B3GLCT: variants seen among roughly 807,000 people sequenced by gnomAD.
B3GLCT encodes the protein beta 3-glucosyltransferase.
A neutral mutation model predicts 63.4 loss-of-function variants in B3GLCT; 65 were observed. The observed-to-expected ratio is 1.03, with a 90% confidence interval of 0.84 to 1.26. B3GLCT has a LOEUF of 1.26. Ranked by LOEUF, B3GLCT falls within the 50% of genes most tolerant of loss-of-function variation. The pLI is 0.00. For synonymous variants in B3GLCT, 233 were observed against 219.2 expected, an observed-to-expected ratio of 1.06 and a Z score of -0.55; for missense variants, 577 against 604.8, an observed-to-expected ratio of 0.95 and a Z score of 0.48.
At chr13:31,324,482 G>T (rs1445810883) in intron 14 of B3GLCT, among the ~76,000 whole-genome samples, 4 of 152,188 alleles carry the variant, frequency 2.6e-5, no homozygotes, top group Non-Finnish European at 5.9e-5. Context: ...CCATATTGCA[G>T]TTTGGGGGTT....
chr13:31,208,627 C>A (rs1036781137), intron 1 of B3GLCT, among the ~76,000 whole-genome samples: 24 of 133,302 alleles, frequency 1.8e-4, no homozygotes, highest in South Asian at 5.5e-4. Flanking sequence ...TGGCCCCCCC[C>A]CCCCGCTCAC....
chr13:31,216,279 A>G (rs147768152), intron 2 of B3GLCT, among the ~76,000 whole-genome samples: 1 of 152,310 alleles, frequency 6.6e-6, no homozygotes, highest in Non-Finnish European at 1.5e-5. Flanking sequence ...ATTTAATTTA[A>G]TCTTCTTAAT....
At chr13:31,203,400 A>G (rs9805861) in intron 1 of B3GLCT, among the ~76,000 whole-genome samples, 39,578 of 152,030 alleles carry the variant, frequency 0.26, 5,452 homozygotes, top group East Asian at 0.41. Flanking sequence ...GCCAGTAGCC[A>G]ACAGCTAAGC....
At chr13:31,274,682 G>A in intron 9 of B3GLCT, 54 bp downstream of exon 9, 2 of 1,598,762 alleles carry the variant, frequency 1.3e-6, no homozygotes, top group South Asian at 2.2e-5. Context: ...TTTAGATGCT[G>A]TGCATAATGT....
At chr13:31,282,115 T>A (rs186322186) in intron 10 of B3GLCT, among the ~76,000 whole-genome samples, 68 of 152,328 alleles carry the variant, frequency 4.5e-4, no homozygotes, top group African/African-American at 1.2e-3. Flanking sequence ...AGATAATGTA[T>A]CAGGTAACTT....
chr13:31,263,617 T>G (rs1393278011), intron 7 of B3GLCT, among the ~76,000 whole-genome samples: 4 of 152,152 alleles, frequency 2.6e-5, no homozygotes, highest in Non-Finnish European at 4.4e-5. Flanking sequence ...TGAACCAGGG[T>G]TGCAGGTTGT....
At chr13:31,260,775 A>G (rs906425493) in intron 6 of B3GLCT, among the ~76,000 whole-genome samples, 171 bp from the exon 7 acceptor site, 53 of 152,192 alleles carry the variant, frequency 3.5e-4, no homozygotes, top group African/African-American at 1.2e-3. Flanking sequence ...ATTCATTATC[A>G]TACTAGTGTT....
At chr13:31,288,379 AC>A (rs1305744668) in intron 12 of B3GLCT, among the ~76,000 whole-genome samples, 2 of 152,172 alleles carry the variant, frequency 1.3e-5, no homozygotes, top group Non-Finnish European at 2.9e-5. Flanking sequence ...ACTTGTCCAC[AC>A]ACCTAGCCCA....
At chr13:31,222,346 G>C (rs1273561855) in intron 2 of B3GLCT, among the ~76,000 whole-genome samples, 1 of 151,946 alleles carries the variant, frequency 6.6e-6, no homozygotes. Context: ...AAAGTGCTGG[G>C]GTTACAGGTA....
rs1258610111 is a variant in B3GLCT at position 31,329,977 on chromosome 13, T to G, written c.*309T>G. On this transcript the variant is annotated 3_prime_UTR_variant, in exon 15 of 15. Coordinates refer to ENST00000343307, the MANE Select transcript of B3GLCT (RefSeq NM_194318.4). ...TTTATTGTCACAGGGAAATAAATGG[T>G]ACCAGAAGTCCCTTTCCTGTTCTGT... The G allele has an allele frequency of 1.1e-5, 4 of 376,910 alleles. No homozygotes were observed. The East Asian group carries it at 1.9e-4, about 18-fold the overall frequency. The allele number at this position is 376,910 out of a possible 1,614,324, so 23.3% of individuals were successfully genotyped here.
intron 6 of B3GLCT, among the ~76,000 whole-genome samples, chr13:31,257,161 A>C (rs1046955658): frequency 6.6e-6 from 1 of 152,226 alleles, no homozygotes; most frequent in South Asian, 2.1e-4. Context: ...GAGATAAAAC[A>C]TAACAACATG....
chr13:31,300,010 C>G (rs2137905332), intron 12 of B3GLCT, among the ~76,000 whole-genome samples: 1 of 152,282 alleles, frequency 6.6e-6, no homozygotes, highest in East Asian at 1.9e-4. Context: ...GCATCCAATA[C>G]AGCCCACTGA....
At chr13:31,200,675 C>T (rs1830397622) in intron 1 of B3GLCT, among the ~76,000 whole-genome samples, 1 of 151,924 alleles carries the variant, frequency 6.6e-6, no homozygotes, top group African/African-American at 2.4e-5. Context: ...GTTCGACCCC[C>T]GGGGGCGAGG....
intron 3 of B3GLCT, among the ~76,000 whole-genome samples, chr13:31,224,900 A>G (rs1205972214): frequency 1.2e-4 from 18 of 152,216 alleles, no homozygotes. Context: ...AGCACTTTAC[A>G]GTACAGTGCT....
chr13:31,249,919 G>A lies in B3GLCT; in HGVS notation c.459+1953G>A, dbSNP rs75182807. On this transcript the variant is annotated intron_variant, in intron 6 of 14. Coordinates refer to ENST00000343307, the MANE Select transcript of B3GLCT (RefSeq NM_194318.4). ...GAGTACATTAAAATAATTATGTAAT[G>A]TGTGAGGGTATAAGGTATTTTGTTT... 1.2e-3 allele frequency among the ~76,000 whole-genome samples: 186 copies of A among 152,304 alleles called. 1 individual carries two copies. The East Asian group carries it at 0.029, about 24-fold the overall frequency.
chr13:31,243,375 A>G lies in B3GLCT; in HGVS notation c.271-3648A>G, dbSNP rs576574719. Among the ~76,000 whole-genome samples the G allele has an allele frequency of 5.6e-4, 85 of 152,348 alleles. 1 individual carries two copies. Among genetic ancestry groups the G allele is most frequent in the Middle Eastern group, 6.8e-3 (2 of 294 alleles). Reference sequence around the variant, plus strand: ...CACCATGTAGTTTAATTGTTGAATTATTTCCAGACATGCAGAAAAACTAAA... The same window carrying G: ...CACCATGTAGTTTAATTGTTGAATTGTTTCCAGACATGCAGAAAAACTAAA... On this transcript the variant is annotated intron_variant, in intron 4 of 14. Transcript: ENST00000343307.
intron 12 of B3GLCT, among the ~76,000 whole-genome samples, chr13:31,301,657 G>C (rs542401125): frequency 7.2e-5 from 11 of 152,190 alleles, no homozygotes; most frequent in Middle Eastern, 3.2e-3. Flanking sequence ...CCCACCAGGA[G>C]ACCCTGGCCT....
rs1202348517 is a variant in B3GLCT at position 31,316,492 on chromosome 13, G to A, written c.1065-1074G>A. On this transcript the variant is annotated intron_variant, in intron 12 of 14. Coordinates refer to ENST00000343307, the MANE Select transcript of B3GLCT (RefSeq NM_194318.4). Reference sequence around the variant, plus strand: ...CACCCAGGCTGGAGTGCAATGGCACGATCTTGACTCACCGCATTTGGAGGT... The same window carrying A: ...CACCCAGGCTGGAGTGCAATGGCACAATCTTGACTCACCGCATTTGGAGGT... Among the ~76,000 whole-genome samples, 4 of 143,056 alleles carry A rather than the reference G, an allele frequency of 2.8e-5. No homozygotes were observed. In the East Asian group the frequency reaches 6.4e-4, roughly 23 times the overall value. The allele number at this position is 143,056 out of a possible 152,430, so 93.9% of individuals were successfully genotyped here. A position where few individuals can be genotyped will look rare whatever the true frequency, so the allele number is the denominator to read the frequency against.
chr13:31,319,055 G>A (rs1230149078), intron 13 of B3GLCT, among the ~76,000 whole-genome samples: 2 of 152,086 alleles, frequency 1.3e-5, no homozygotes, highest in African/African-American at 4.8e-5. Context: ...AACTGGCCTT[G>A]TGTGGGCCAG....
Sources: gnomAD v4.1 joint callset for allele counts (sites outside exome capture counted in the v4.1 genomes callset) on GRCh38, gnomAD v4.1.1 for gene constraint, MANE v1.5 for transcripts, NCBI Gene and HGNC (gene_info 2026-07-23, HGNC 2026-07-21) for gene names.